Variants in MBNL2 observed in about 807,000 individuals in gnomAD.
MBNL2 encodes the protein muscleblind-like protein 2.
A neutral mutation model predicts 41.9 loss-of-function variants in MBNL2; 17 were observed. That is an observed-to-expected ratio of 0.41 (90% confidence interval 0.28 to 0.61). MBNL2 has a LOEUF of 0.61. Ranked by LOEUF, MBNL2 falls within the 20% of genes least tolerant of loss-of-function variation. The probability of loss-of-function intolerance (pLI) is 0.35; values close to 1 mark genes in which losing one functional copy is unlikely to be tolerated. For synonymous variants in MBNL2, 195 were observed against 182.9 expected (o/e 1.07, Z -0.53); for missense variants, 336 against 505.6 (o/e 0.66, Z 3.22).
At chr13:97,210,457 T>C in the MBNL2 span, among the ~76,000 whole-genome samples, 1 of 152,080 alleles carries the variant, frequency 6.6e-6, no homozygotes, top group Non-Finnish European at 1.5e-5. Flanking sequence ...TTTACCAAAG[T>C]GTAGTATGTA....
chr13:97,154,800 T>TGGATGGATGGAC, the MBNL2 span, among the ~76,000 whole-genome samples: 4 of 150,100 alleles, frequency 2.7e-5, no homozygotes, highest in African/African-American at 9.8e-5. Context: ...TAAGGATGGA[T>TGGATGGATGGAC]GGATGGATGG....
At chr13:97,245,399 A>G (rs1342645600) in intron 1 of MBNL2, among the ~76,000 whole-genome samples, 1 of 152,182 alleles carries the variant, frequency 6.6e-6, no homozygotes, top group Non-Finnish European at 1.5e-5. Context: ...CCCTTGGCAT[A>G]TCATAGGCTA....
At chr13:97,180,974 T>A in the MBNL2 span, among the ~76,000 whole-genome samples, 2 of 152,090 alleles carry the variant, frequency 1.3e-5, no homozygotes, top group Non-Finnish European at 2.9e-5. Flanking sequence ...TCTCTTGCCT[T>A]TCTCAGCTTC....
At chr13:97,291,003 T>TC (rs2055833515) in intron 2 of MBNL2, among the ~76,000 whole-genome samples, 1 of 152,006 alleles carries the variant, frequency 6.6e-6, no homozygotes, top group Non-Finnish European at 1.5e-5. Flanking sequence ...AGAAACTGTG[T>TC]AGGTGTTTGA....
chr13:97,178,100 C>T, the MBNL2 span, among the ~76,000 whole-genome samples: 1 of 152,090 alleles, frequency 6.6e-6, no homozygotes, highest in Non-Finnish European at 1.5e-5. Flanking sequence ...GTGGATACTA[C>T]ACAGAAAAAG....
the MBNL2 span, among the ~76,000 whole-genome samples, chr13:97,213,009 A>G: frequency 1.3e-5 from 2 of 152,158 alleles, no homozygotes; most frequent in African/African-American, 4.8e-5. Flanking sequence ...GAGAAAGGCT[A>G]CTGTGAAGAT....
At chr13:97,174,443 C>T in the MBNL2 span, among the ~76,000 whole-genome samples, 1 of 152,120 alleles carries the variant, frequency 6.6e-6, no homozygotes, top group Non-Finnish European at 1.5e-5. Flanking sequence ...AAACCAGAAA[C>T]AAGGTCTACA....
At chr13:97,181,073 ATCTCTC>A in the MBNL2 span, among the ~76,000 whole-genome samples, 5 of 139,496 alleles carry the variant, frequency 3.6e-5, no homozygotes, top group Admixed American at 2.1e-4. Flanking sequence ...CTTCAACTCA[ATCTCTC>A]TCTCTCTCTC....
chr13:97,161,839 A>G, the MBNL2 span, among the ~76,000 whole-genome samples: 2 of 152,180 alleles, frequency 1.3e-5, no homozygotes, highest in African/African-American at 2.4e-5. Context: ...TTTGGGATTT[A>G]TTTTTGAACA....
chr13:97,237,287 G>A (rs556186795), intron 1 of MBNL2, among the ~76,000 whole-genome samples: 1 of 152,348 alleles, frequency 6.6e-6, no homozygotes, highest in Admixed American at 6.5e-5. Flanking sequence ...CAGTGGGAAG[G>A]AGCTGATGGC....
At chr13:97,246,718 G>T (rs1355436175) in intron 1 of MBNL2, among the ~76,000 whole-genome samples, 1 of 152,048 alleles carries the variant, frequency 6.6e-6, no homozygotes, top group Non-Finnish European at 1.5e-5. Context: ...CTGAATTTTT[G>T]ACCCTGTAAA....
chr13:97,182,178 G>T, the MBNL2 span, among the ~76,000 whole-genome samples: 1 of 152,124 alleles, frequency 6.6e-6, no homozygotes. Flanking sequence ...TGGAACCCAG[G>T]CAATCCTATG....
chr13:97,167,240 A>G, the MBNL2 span, among the ~76,000 whole-genome samples: 1 of 152,246 alleles, frequency 6.6e-6, no homozygotes, highest in Non-Finnish European at 1.5e-5. Context: ...AATAAATTAC[A>G]AAGAACATAT....
intron 2 of MBNL2, among the ~76,000 whole-genome samples, chr13:97,309,584 C>T (rs887828039): frequency 2.0e-5 from 3 of 152,162 alleles, no homozygotes; most frequent in African/African-American, 7.2e-5. Flanking sequence ...TGATCTTGGA[C>T]TTCTGCCCCT....
chr13:97,280,800 GC>G (rs1398454602), intron 2 of MBNL2, among the ~76,000 whole-genome samples: 1 of 152,188 alleles, frequency 6.6e-6, no homozygotes, highest in African/African-American at 2.4e-5. Flanking sequence ...GAATACTCTT[GC>G]CTCAGCCACA....
intron 2 of MBNL2, among the ~76,000 whole-genome samples, chr13:97,283,309 G>C (rs1470579557): frequency 6.6e-6 from 1 of 152,110 alleles, no homozygotes; most frequent in African/African-American, 2.4e-5. Context: ...AAATCTGGGT[G>C]TGTGCCCTTG....
chr13:97,307,594 GA>G (rs1373652214), intron 2 of MBNL2, among the ~76,000 whole-genome samples: 1 of 152,120 alleles, frequency 6.6e-6, no homozygotes, highest in Non-Finnish European at 1.5e-5. Context: ...AACAGGAAGG[GA>G]AAAATAAATT....
chr13:97,346,162 A>AT lies in MBNL2; in HGVS notation c.541-641dup, dbSNP rs1280010264. 6.6e-6 allele frequency among the ~76,000 whole-genome samples: 1 copy of AT among 152,140 alleles called. No homozygotes were observed. The highest frequency in any genetic ancestry group is 1.5e-5 in the Non-Finnish European group (1 of 68,018). On this transcript the variant is annotated intron_variant, in intron 4 of 8. Transcript: ENST00000679496. The surrounding 1 kb of genome is among the most constrained non-coding windows in gnomAD (Gnocchi z 4.2). ...GGATAGATAGATGGTAGGTAGGTAG[A>AT]TAGATGATAGATAATATTAGGTTGG...
the MBNL2 span, chr13:97,172,960 C>A: frequency 6.6e-6 from 1 of 152,106 alleles, no homozygotes; most frequent in East Asian, 1.9e-4. Flanking sequence ...ACCATGACAT[C>A]TTTGATACAT....
Sources: gnomAD v4.1 joint callset for allele counts (sites outside exome capture counted in the v4.1 genomes callset) on GRCh38, gnomAD v4.1.1 for gene constraint, Gnocchi (gnomAD v3.1) non-coding constraint, MANE v1.5 for transcripts, NCBI Gene and HGNC (gene_info 2026-07-23, HGNC 2026-07-21) for gene names.